Variants in SLC2A14 observed in about 807,000 individuals in gnomAD.
SLC2A14 encodes solute carrier family 2, facilitated glucose transporter member 14.
Under a neutral mutation model 43.0 loss-of-function variants are expected in SLC2A14, and 13 were observed. That is an observed-to-expected ratio of 0.30 (90% CI 0.20 to 0.48). SLC2A14 has a LOEUF of 0.48. SLC2A14 is among the 20% of genes least tolerant of loss of function. SLC2A14 has a pLI of 0.99. For missense variants in SLC2A14, 428 were observed against 620.4 expected, an observed-to-expected ratio of 0.69 and a Z score of 3.29; for synonymous variants, 190 against 233.8, an observed-to-expected ratio of 0.81 and a Z score of 1.71.
At chr12:7,865,131 C>T (rs757068313) in intron 2 of SLC2A14, among the ~76,000 whole-genome samples, 16 of 152,256 alleles carry the variant, frequency 1.1e-4, no homozygotes, top group African/African-American at 3.4e-4. Flanking sequence ...ATATTTCAAA[C>T]ATTTCGTTAT....
At chr12:7,839,737 C>G in intron 2 of SLC2A14, 3 of 422,072 alleles carry the variant, frequency 7.1e-6, no homozygotes, top group Non-Finnish European at 9.3e-6. Flanking sequence ...GTGACTGAGT[C>G]ATGAGGGCTC....
At chr12:7,879,531 A>G (rs1167292620) in intron 1 of SLC2A14, among the ~76,000 whole-genome samples, 1 of 151,924 alleles carries the variant, frequency 6.6e-6, no homozygotes, top group Admixed American at 6.6e-5. Flanking sequence ...AAAATACAAA[A>G]AAATTAGCCA....
chr12:7,863,235 C>T (rs1944695716), intron 2 of SLC2A14: 1 of 343,588 alleles, frequency 2.9e-6, no homozygotes, highest in Admixed American at 3.7e-5. Context: ...CTGCGACACT[C>T]ACGGCGGAAG....
intron 2 of SLC2A14, among the ~76,000 whole-genome samples, chr12:7,865,488 G>A (rs1944858848): frequency 6.6e-6 from 1 of 151,744 alleles, no homozygotes; most frequent in Admixed American, 6.6e-5. Flanking sequence ...AGTGAGCCGA[G>A]ATCGTGCCAC....
chr12:7,891,132 A>G, exon 1 of SLC2A14: 1 of 1,532,336 alleles, frequency 6.5e-7, no homozygotes, highest in Non-Finnish European at 8.7e-7. Flanking sequence ...TTGCATTGTG[A>G]ACAAAAGTCA....
At chr12:7,833,959 C>T (rs1293520616) in intron 2 of SLC2A14, among the ~76,000 whole-genome samples, 1 of 152,076 alleles carries the variant, frequency 6.6e-6, no homozygotes, top group South Asian at 2.1e-4. Context: ...CCCACCAATC[C>T]CTTCAACCTT....
chr12:7,848,979 A>T (rs1351094142), intron 2 of SLC2A14, among the ~76,000 whole-genome samples: 1 of 147,624 alleles, frequency 6.8e-6, no homozygotes, highest in African/African-American at 2.5e-5. Context: ...CTCAGCCTCC[A>T]AGTAGCTGGC....
chr12:7,848,940 C>T (rs935487734), intron 2 of SLC2A14, among the ~76,000 whole-genome samples: 1 of 151,410 alleles, frequency 6.6e-6, no homozygotes. Flanking sequence ...CACTGGACTC[C>T]GCTTCCCGGG....
intron 5 of SLC2A14, 36 bp from the exon 6 acceptor site, chr12:7,828,902 T>C (rs751014706): frequency 1.2e-6 from 2 of 1,600,804 alleles, no homozygotes; most frequent in South Asian, 1.1e-5. Flanking sequence ...ATAAACCCCA[T>C]ACTTCACAGG....
intron 2 of SLC2A14, among the ~76,000 whole-genome samples, chr12:7,859,601 A>G (rs534561535): frequency 6.6e-6 from 1 of 152,146 alleles, no homozygotes; most frequent in Admixed American, 6.5e-5. Flanking sequence ...GTCTCCATAC[A>G]TCATGGAATA....
chr12:7,827,510 G>A lies in SLC2A14; in HGVS notation c.849C>T (p.Leu283=), dbSNP rs766296044. The stretch of plus-strand genomic sequence containing the variant: ...TCACACTCACAGCATTGATCCCAGA[G>A]AGCTGCTGAGAGAGCTGGAGCACAA... ...ISIVLQLSQQ[L]SGINAVFYYS... The change falls in exon 7 of 11, where the codon CTC becomes CTT. Residue 283 remains leucine, a synonymous_variant. Coordinates refer to ENST00000431042, the MANE Select transcript of SLC2A14 (RefSeq NM_001286234.2). 53 of 1,611,690 alleles carry A rather than the reference G, an allele frequency of 3.3e-5. No homozygotes were observed. Among genetic ancestry groups the A allele is most frequent in the Non-Finnish European group, 4.5e-5 (53 of 1,179,656 alleles).
chr12:7,891,021 C>T, exon 1 of SLC2A14: 3 of 1,535,136 alleles, frequency 2.0e-6, no homozygotes, highest in Non-Finnish European at 1.7e-6. Context: ...CCCATTCTGA[C>T]TCTTCTCCAG....
chr12:7,874,840 CGTATTTATATATAAATT>C (rs1945405003), upstream of SLC2A14, among the ~76,000 whole-genome samples: 1 of 75,448 alleles, frequency 1.3e-5, no homozygotes, highest in African/African-American at 4.2e-5. Flanking sequence ...TATATAAATA[CGTATTTATATATAAATT>C]ATATATAAAT....
rs1353570356 is a variant in SLC2A14, at chr12:7,812,620, AC to A, written c.*1695del. On this transcript the variant is annotated 3_prime_UTR_variant, in exon 11 of 11. Transcript: ENST00000431042. ...CTTCTCAGTGAGAAATAGGAAAACAACTTCCCTGCCTTACTGCCAAACTGAG... is the reference window on the plus strand; with the variant it reads ...CTTCTCAGTGAGAAATAGGAAAACAATTCCCTGCCTTACTGCCAAACTGAG... The A allele has an allele frequency of 6.6e-6, 1 of 152,204 alleles. No individual in the cohort carries two copies. Among genetic ancestry groups the A allele is most frequent in the African/African-American group, 2.4e-5 (1 of 41,452 alleles). 9.4% of individuals were successfully genotyped at this position (152,204 alleles called of 1,614,324 possible). A position where few individuals can be genotyped will look rare whatever the true frequency, so the allele number is the denominator to read the frequency against.
At chr12:7,824,049 A>AGT (rs1864146780) in intron 7 of SLC2A14, among the ~76,000 whole-genome samples, 1 of 152,138 alleles carries the variant, frequency 6.6e-6, no homozygotes, top group Admixed American at 6.6e-5. Flanking sequence ...TGAGGTCAGG[A>AGT]GTTCAAGGCC....
At position 7,828,879 on chromosome 12, in the gene SLC2A14, CA is replaced by C; in HGVS notation, c.514-14del. On this transcript the variant is annotated splice_polypyrimidine_tract_variant and intron_variant, in intron 5 of 10. Transcript: ENST00000431042. ...CCAGACCAAAGATCTAGAAACCACA[CA>C]AAGATAATGCTATAAACCCCATACT... The C allele has an allele frequency of 6.2e-7, 1 of 1,612,354 alleles. No individual in the cohort carries two copies. Among genetic ancestry groups the C allele is most frequent in the Non-Finnish European group, 8.5e-7 (1 of 1,179,188 alleles).
At chr12:7,882,702 T>A (rs770731555) in intron 1 of SLC2A14, among the ~76,000 whole-genome samples, 5 of 151,890 alleles carry the variant, frequency 3.3e-5, no homozygotes, top group Non-Finnish European at 7.4e-5. Context: ...TCCAGCATAG[T>A]GGCGCACGCC....
intron 1 of SLC2A14, chr12:7,870,846 G>T: frequency 7.9e-7 from 1 of 1,271,032 alleles, no homozygotes; most frequent in Non-Finnish European, 1.0e-6. Flanking sequence ...CCCACCTGAA[G>T]CCAAAATGTT....
intron 2 of SLC2A14, among the ~76,000 whole-genome samples, chr12:7,833,423 C>T (rs1865194226): frequency 6.6e-6 from 1 of 152,176 alleles, no homozygotes; most frequent in African/African-American, 2.4e-5. Flanking sequence ...CCTAACCTAA[C>T]CCCCGGGTGG....
Sources: gnomAD v4.1 joint callset for allele counts (sites outside exome capture counted in the v4.1 genomes callset) on GRCh38, gnomAD v4.1.1 for gene constraint, MANE v1.5 for transcripts, NCBI Gene and HGNC (gene_info 2026-07-23, HGNC 2026-07-21) for gene names.